Variants in ASTN1 observed in about 807,000 individuals in gnomAD.
ASTN1 encodes the protein astrotactin 1.
Under a neutral mutation model 140.7 loss-of-function variants are expected in ASTN1, and 41 were observed. The ratio of observed to expected loss-of-function variants is 0.29; its 90% CI spans 0.23 to 0.38. The LOEUF (loss-of-function observed/expected upper bound fraction) is 0.38, where lower values mean the gene tolerates loss of function less well. Among genes scored for constraint, ASTN1 ranks in the 10% least tolerant of loss-of-function variants. ASTN1 has a pLI of 1.00. For synonymous variants in ASTN1, 640 were observed against 652.2 expected, an observed-to-expected ratio of 0.98 and a Z score of 0.29; for missense variants, 1,479 against 1,678.8, an observed-to-expected ratio of 0.88 and a Z score of 2.08.
chr1:176,935,976 T>C, intron 15 of ASTN1: 1 of 464,648 alleles, frequency 2.2e-6, no homozygotes. Context: ...ATGTATCCTC[T>C]CCACATACTG....
chr1:177,075,422 TCA>T (rs1558076786), intron 1 of ASTN1, among the ~76,000 whole-genome samples: 2 of 13,012 alleles, frequency 1.5e-4, no homozygotes, highest in South Asian at 3.0e-3. Context: ...GTTTCATTCA[TCA>T]AAAAAAAAAA....
chr1:176,900,016 T>C (rs919506901), intron 16 of ASTN1, among the ~76,000 whole-genome samples: 1 of 152,190 alleles, frequency 6.6e-6, no homozygotes, highest in Non-Finnish European at 1.5e-5. Flanking sequence ...TTGCCTAGTT[T>C]AGTTCTACAT....
intron 14 of ASTN1, among the ~76,000 whole-genome samples, chr1:176,937,347 T>G (rs1161013534): frequency 6.6e-6 from 1 of 152,240 alleles, no homozygotes; most frequent in East Asian, 1.9e-4. Context: ...TTGAGTGCCA[T>G]CTCTGTGCCA....
At chr1:177,052,753 C>T (rs1184746243) in intron 2 of ASTN1, among the ~76,000 whole-genome samples, 1 of 152,182 alleles carries the variant, frequency 6.6e-6, no homozygotes, top group Non-Finnish European at 1.5e-5. Context: ...CTCTATGTTC[C>T]TTCCTAATCT....
chr1:176,904,265 A>C (rs978443303), intron 16 of ASTN1, among the ~76,000 whole-genome samples: 5 of 152,116 alleles, frequency 3.3e-5, no homozygotes, highest in African/African-American at 1.2e-4. Context: ...GCTTCCTCCC[A>C]GGGCTTAAGG....
chr1:176,884,872 G>A (rs1668969616), intron 18 of ASTN1, among the ~76,000 whole-genome samples: 1 of 152,156 alleles, frequency 6.6e-6, no homozygotes, highest in South Asian at 2.1e-4. Flanking sequence ...GAGAGTGTGT[G>A]TATACTGCTC....
intron 1 of ASTN1, among the ~76,000 whole-genome samples, chr1:177,062,863 A>T (rs1678166886): frequency 6.6e-6 from 1 of 152,200 alleles, no homozygotes; most frequent in South Asian, 2.1e-4. Flanking sequence ...TCTAAACGAG[A>T]TCCTCAACAA....
chr1:177,013,564 T>C (rs1675397086), intron 8 of ASTN1, among the ~76,000 whole-genome samples: 2 of 152,128 alleles, frequency 1.3e-5, no homozygotes, highest in Non-Finnish European at 2.9e-5. Context: ...CTACATTCAG[T>C]ATTCTAGGTT....
chr1:176,935,779 CTCTT>C (rs965152585), intron 15 of ASTN1, among the ~76,000 whole-genome samples: 8 of 151,934 alleles, frequency 5.3e-5, no homozygotes, highest in African/African-American at 1.9e-4. Flanking sequence ...CTCTCTCTCT[CTCTT>C]TCTCTCAATC....
At chr1:177,136,117 T>C (rs899463837) in intron 1 of ASTN1, among the ~76,000 whole-genome samples, 19 of 152,192 alleles carry the variant, frequency 1.2e-4, no homozygotes, top group Non-Finnish European at 2.5e-4. Flanking sequence ...TCCTACTGAA[T>C]AATTTGCTCT....
In ASTN1 at chr1:177,038,314, T is replaced by A. The variant is rs186409895; in HGVS notation, c.472-5465A>T. ...CATTTACCTTTGATTTTCTTGTCTA[T>A]CTCATTTGCTAGACTATAGGGGGCA... On this transcript the variant is annotated intron_variant, in intron 2 of 22. Transcript: ENST00000361833. Among the ~76,000 whole-genome samples, 23 of 152,350 alleles carry A rather than the reference T, an allele frequency of 1.5e-4. No individual in the cohort carries two copies. In the East Asian group the frequency reaches 4.1e-3, roughly 27 times the overall value.
At chr1:177,096,511 G>T (rs1680031498) in intron 1 of ASTN1, among the ~76,000 whole-genome samples, 1 of 152,130 alleles carries the variant, frequency 6.6e-6, no homozygotes, top group South Asian at 2.1e-4. Context: ...GATATAGTTT[G>T]GCTGTGTCCC....
At chr1:177,146,454 T>C (rs1230606327) in intron 1 of ASTN1, among the ~76,000 whole-genome samples, 1 of 152,208 alleles carries the variant, frequency 6.6e-6, no homozygotes, top group Non-Finnish European at 1.5e-5. Context: ...AAAATCATTG[T>C]CCATGTTGAG....
intron 8 of ASTN1, among the ~76,000 whole-genome samples, chr1:176,977,873 A>G (rs1306258241): frequency 6.6e-6 from 1 of 152,206 alleles, no homozygotes; most frequent in South Asian, 2.1e-4. Flanking sequence ...AGAACTAAGG[A>G]GAGTCACTGG....
intron 1 of ASTN1, among the ~76,000 whole-genome samples, chr1:177,162,355 T>G (rs751431345): frequency 4.6e-5 from 7 of 151,900 alleles, no homozygotes; most frequent in Non-Finnish European, 1.0e-4. Flanking sequence ...ACTGGGAGAG[T>G]GGGAGATAAT....
intron 5 of ASTN1, among the ~76,000 whole-genome samples, chr1:177,027,556 T>C (rs1676180383): frequency 6.6e-6 from 1 of 150,450 alleles, no homozygotes; most frequent in South Asian, 2.1e-4. Context: ...CGTGTGCGTA[T>C]ATATTTATAA....
At chr1:177,058,192 G>A (rs1277886363) in intron 2 of ASTN1, among the ~76,000 whole-genome samples, 1 of 152,240 alleles carries the variant, frequency 6.6e-6, no homozygotes, top group East Asian at 1.9e-4. Flanking sequence ...AAAGGAGCGG[G>A]TAGGGAGGAA....
chr1:176,932,815 T>C (rs1407246395), intron 16 of ASTN1, among the ~76,000 whole-genome samples: 2 of 152,162 alleles, frequency 1.3e-5, no homozygotes, highest in South Asian at 2.1e-4. Context: ...GGGTCAGACT[T>C]TTATCTCCCA....
intron 1 of ASTN1, among the ~76,000 whole-genome samples, chr1:177,146,533 G>A (rs2102234645): frequency 6.6e-6 from 1 of 152,240 alleles, no homozygotes; most frequent in African/African-American, 2.4e-5. Flanking sequence ...ATTAGTTCAT[G>A]GAGTTACACA....
Sources: gnomAD v4.1 joint callset for allele counts (sites outside exome capture counted in the v4.1 genomes callset) on GRCh38, gnomAD v4.1.1 for gene constraint, MANE v1.5 for transcripts, NCBI Gene and HGNC (gene_info 2026-07-23, HGNC 2026-07-21) for gene names.